EYS: variants seen among roughly 807,000 people sequenced by gnomAD.
The protein encoded by EYS is EGF-like photoreceptor maintenance factor, also known as protein eyes shut homolog.
EYS carries 250 observed loss-of-function variants against 282.1 expected under a neutral mutation model. The observed-to-expected ratio is 0.89, with a 90% CI of 0.80 to 0.98. The LOEUF (loss-of-function observed/expected upper bound fraction) is 0.98. Ranked by LOEUF, EYS falls within the 50% of genes least tolerant of loss-of-function variation. The pLI is 0.00. For synonymous variants in EYS, 1,355 were observed against 1,282.9 expected, an observed-to-expected ratio of 1.06 and a Z score of -1.20; for missense variants, 4,016 against 3,709.0, an observed-to-expected ratio of 1.08 and a Z score of -2.15.
chr6:65,484,048 G>A (rs191466509), intron 5 of EYS, among the ~76,000 whole-genome samples: 8 of 152,018 alleles, frequency 5.3e-5, no homozygotes, highest in South Asian at 2.1e-4. Flanking sequence ...AGCCATATCC[G>A]ATGGATAGAT....
chr6:63,853,295 C>CA (rs1316683778), intron 36 of EYS, among the ~76,000 whole-genome samples: 3 of 152,128 alleles, frequency 2.0e-5, no homozygotes, highest in Non-Finnish European at 4.4e-5. Context: ...TCTCAGAACA[C>CA]AAAATCAATA....
intron 28 of EYS, among the ~76,000 whole-genome samples, chr6:64,391,945 T>C (rs1190249922): frequency 6.6e-6 from 1 of 150,832 alleles, no homozygotes; most frequent in Non-Finnish European, 1.5e-5. Flanking sequence ...ACCAAGCAAA[T>C]GGAAAACAAA....
intron 30 of EYS, among the ~76,000 whole-genome samples, chr6:64,246,018 CAAAAAAAAAAAAAAAAA>C (rs60121734): frequency 1.8e-5 from 1 of 56,200 alleles, no homozygotes; most frequent in African/African-American, 8.2e-5. Flanking sequence ...AACTCCGTCT[CAAAAAAAAAAAAAAAAA>C]AAAAAAAAAA....
intron 31 of EYS, among the ~76,000 whole-genome samples, chr6:64,182,128 T>C (rs1199357082): frequency 6.6e-6 from 1 of 152,166 alleles, no homozygotes; most frequent in African/African-American, 2.4e-5. Flanking sequence ...TGCTTTTCTT[T>C]AAAATGTTTC....
intron 12 of EYS, among the ~76,000 whole-genome samples, chr6:65,089,943 CAA>C (rs376305956): frequency 0.016 from 1,255 of 77,834 alleles, 24 homozygotes; most frequent in African/African-American, 0.041. Flanking sequence ...GGCAAGAAAG[CAA>C]AAAAAAAAAA....
At chr6:65,371,741 C>CTCTCTGTGTG (rs1335075948) in intron 8 of EYS, among the ~76,000 whole-genome samples, 1 of 70,280 alleles carries the variant, frequency 1.4e-5, no homozygotes, top group African/African-American at 6.0e-5. Flanking sequence ...CTCTCTCTCT[C>CTCTCTGTGTG]TGTGTGTGTG....
intron 35 of EYS, among the ~76,000 whole-genome samples, chr6:63,883,524 C>A (rs1773186940): frequency 6.6e-6 from 1 of 152,224 alleles, no homozygotes; most frequent in African/African-American, 2.4e-5. Context: ...TAGGTGAACA[C>A]TTCTTGCAGA....
intron 22 of EYS, among the ~76,000 whole-genome samples, chr6:64,687,316 T>G (rs958050041): frequency 6.6e-6 from 1 of 152,112 alleles, no homozygotes; most frequent in Admixed American, 6.5e-5. Context: ...TCAAGTAATA[T>G]GTTACAAAAA....
intron 29 of EYS, among the ~76,000 whole-genome samples, chr6:64,365,953 AT>A (rs1772167248): frequency 6.6e-6 from 1 of 151,996 alleles, no homozygotes; most frequent in Non-Finnish European, 1.5e-5. Flanking sequence ...AGAGAATTAT[AT>A]TGTTTGTAAT....
intron 12 of EYS, among the ~76,000 whole-genome samples, chr6:65,121,470 C>T (rs1250049232): frequency 2.0e-5 from 3 of 152,054 alleles, no homozygotes; most frequent in Non-Finnish European, 2.9e-5. Context: ...ATGTGGTGTG[C>T]TTTGCTAATC....
chr6:64,331,657 G>A (rs1276919397), intron 29 of EYS, among the ~76,000 whole-genome samples: 1 of 146,792 alleles, frequency 6.8e-6, no homozygotes, highest in African/African-American at 2.5e-5. Flanking sequence ...AACTGCATTA[G>A]AGACTCTTGT....
chr6:64,629,154 A>G (rs1191305938), intron 22 of EYS, among the ~76,000 whole-genome samples: 5 of 152,140 alleles, frequency 3.3e-5, no homozygotes, highest in Non-Finnish European at 1.5e-5. Flanking sequence ...ACTGTTTTGA[A>G]GGGCATTGGT....
chr6:63,800,363 TA>T (rs1398249958), intron 37 of EYS, among the ~76,000 whole-genome samples: 1 of 152,214 alleles, frequency 6.6e-6, no homozygotes, highest in African/African-American at 2.4e-5. Flanking sequence ...ATTCATTCTT[TA>T]AAAAACTGTT....
At position 65,284,721 on chromosome 6, in the gene EYS, C is replaced by T. The variant is rs1400687710; in HGVS notation, c.2023+11142G>A. On this transcript the variant is annotated intron_variant, in intron 12 of 42. Coordinates refer to ENST00000503581, the MANE Select transcript of EYS (RefSeq NM_001142800.2). ...TTGATACCTTATGCCAAGGTAAATA[C>T]AAGTATGGAAGAATAAACAGGTTGT... Among the ~76,000 whole-genome samples the T allele has an allele frequency of 2.6e-5, 4 of 152,084 alleles. No individual in the cohort carries two copies. In the East Asian group the frequency reaches 5.8e-4, roughly 22 times the overall value.
At chr6:65,541,736 G>A (rs1556392) in intron 2 of EYS, among the ~76,000 whole-genome samples, 113,300 of 151,820 alleles carry the variant, frequency 0.75, 43,055 homozygotes, top group African/African-American at 0.89. Flanking sequence ...TAGAAACTAT[G>A]GTCAGATCTT....
At chr6:65,409,070 T>C (rs1202854162) in intron 5 of EYS, among the ~76,000 whole-genome samples, 1 of 152,202 alleles carries the variant, frequency 6.6e-6, no homozygotes, top group Non-Finnish European at 1.5e-5. Flanking sequence ...TTGAGGAACA[T>C]ATATGATATG....
intron 19 of EYS, among the ~76,000 whole-genome samples, chr6:64,867,062 T>C (rs925337321): frequency 5.3e-5 from 8 of 151,842 alleles, no homozygotes; most frequent in African/African-American, 1.7e-4. Context: ...GAACTCACTA[T>C]GCATAAATAA....
chr6:63,823,672 CTTTA>C (rs748398231), intron 36 of EYS, among the ~76,000 whole-genome samples: 20 of 152,016 alleles, frequency 1.3e-4, no homozygotes, highest in African/African-American at 4.3e-4. Context: ...TTCTTTTATA[CTTTA>C]TTTATTTCAC....
chr6:65,568,732 T>C (rs1317645878), intron 2 of EYS, among the ~76,000 whole-genome samples: 1 of 152,150 alleles, frequency 6.6e-6, no homozygotes, highest in Non-Finnish European at 1.5e-5. Context: ...TGAGAAACAG[T>C]GCTGTGTATG....
Sources: allele counts gnomAD v4.1 joint callset (sites outside exome capture counted in the v4.1 genomes callset), GRCh38; gene constraint gnomAD v4.1.1; transcripts MANE v1.5; gene names NCBI Gene and HGNC (gene_info 2026-07-23, HGNC 2026-07-21).